ATP11C: variants seen among roughly 807,000 people sequenced by gnomAD.
The protein encoded by ATP11C is ATPase phospholipid transporting 11C (ATP11C blood group).
Under a neutral mutation model 97.4 loss-of-function variants are expected in ATP11C, and 36 were observed. The ratio of observed to expected loss-of-function variants is 0.37; its 90% CI spans 0.28 to 0.49. The LOEUF is 0.49. ATP11C is among the 20% of genes least tolerant of loss of function. ATP11C has a pLI of 0.98. For synonymous variants in ATP11C, 275 were observed against 290.9 expected (o/e 0.95, Z 0.56); for missense variants, 730 against 824.6 (o/e 0.89, Z 1.40).
At chrX:139,817,972 C>T (rs1011763891) in intron 3 of ATP11C, among the ~76,000 whole-genome samples, 19 of 111,300 alleles carry the variant, frequency 1.7e-4, no homozygotes, top group Non-Finnish European at 3.2e-4. Context: ...CTCAACAAGC[C>T]CTGCCTCTGC....
At chrX:139,897,207 G>A (rs1007286875) in intron 1 of ATP11C, among the ~76,000 whole-genome samples, 1 of 110,923 alleles carries the variant, frequency 9.0e-6, no homozygotes, top group African/African-American at 3.3e-5. Context: ...GCCTGAGAGA[G>A]AGTGAGACCC....
intron 20 of ATP11C, among the ~76,000 whole-genome samples, chrX:139,765,615 G>C (rs1004025538): frequency 2.7e-5 from 3 of 112,122 alleles, no homozygotes; most frequent in Non-Finnish European, 5.6e-5. Flanking sequence ...GTATTCCAGA[G>C]AAAGGAACTA....
intron 2 of ATP11C, among the ~76,000 whole-genome samples, chrX:139,823,817 C>T (rs1436513766): frequency 1.8e-5 from 2 of 111,465 alleles, no homozygotes; most frequent in Non-Finnish European, 3.8e-5. Flanking sequence ...AATAAACAAA[C>T]GGGACTTAAA....
intron 23 of ATP11C, among the ~76,000 whole-genome samples, chrX:139,752,108 G>A (rs1286300024): frequency 2.7e-5 from 3 of 111,105 alleles, no homozygotes; most frequent in Admixed American, 9.6e-5. Context: ...TTAAGATGTC[G>A]ACGTTATTCC....
At chrX:139,803,685 CTTTTTTTTTTTTTTTT>C (rs140315105) in intron 6 of ATP11C, among the ~76,000 whole-genome samples, 3 of 38,265 alleles carry the variant, frequency 7.8e-5, no homozygotes, top group African/African-American at 1.0e-4. Context: ...TACACCCTAT[CTTTTTTTTTTTTTTTT>C]TTTTTTTTTT....
intron 2 of ATP11C, among the ~76,000 whole-genome samples, chrX:139,821,788 C>A (rs2147863300): frequency 8.9e-6 from 1 of 112,201 alleles, no homozygotes; most frequent in African/African-American, 3.2e-5. Context: ...GTTTAGCACA[C>A]AGAAGATATA....
intron 12 of ATP11C, among the ~76,000 whole-genome samples, chrX:139,792,960 T>C (rs1263188217): frequency 8.9e-6 from 1 of 111,935 alleles, no homozygotes; most frequent in African/African-American, 3.2e-5. Context: ...AACTTAAAGC[T>C]GGTCGATCAG....
At chrX:139,835,439 T>C (rs1314508867) in intron 1 of ATP11C, among the ~76,000 whole-genome samples, 1 of 110,522 alleles carries the variant, frequency 9.0e-6, no homozygotes, top group African/African-American at 3.3e-5. Flanking sequence ...AGTTTCGCTC[T>C]TGTCACCCAG....
intron 1 of ATP11C, among the ~76,000 whole-genome samples, chrX:139,900,739 A>G (rs903000674): frequency 8.9e-6 from 1 of 112,438 alleles, no homozygotes; most frequent in Non-Finnish European, 1.9e-5. Context: ...GGTAAGAAAC[A>G]ATGCACTTAA....
chrX:139,768,119 AAAAG>A lies in ATP11C; in HGVS notation c.2391+137_2391+140del, dbSNP rs1724217619. 6 of 407,033 alleles carry A rather than the reference AAAAG, an allele frequency of 1.5e-5. No homozygotes were observed. The East Asian group carries it at 2.4e-4, about 16-fold the overall frequency. 33.5% of individuals were successfully genotyped at this position (407,033 alleles called of 1,213,427 possible). On this transcript the variant is annotated intron_variant, in intron 20 of 29. Coordinates refer to ENST00000682941, the MANE Select transcript of ATP11C (RefSeq NM_001353812.2). The stretch of plus-strand genomic sequence containing the variant: ...GGAAAGACTTCTGAGTCTGATTACA[AAAAG>A]AAAGAAGCCTTGGAGGAAGAAATTA...
At chrX:139,771,756 G>A (rs1381149835) in intron 19 of ATP11C, among the ~76,000 whole-genome samples, 2 of 111,386 alleles carry the variant, frequency 1.8e-5, no homozygotes, top group Admixed American at 1.9e-4. Context: ...AGATGATTTA[G>A]GGTATCTGGC....
intron 22 of ATP11C, among the ~76,000 whole-genome samples, chrX:139,759,258 T>C (rs1293042732): frequency 9.0e-6 from 1 of 111,719 alleles, no homozygotes; most frequent in South Asian, 3.8e-4. Context: ...TCTTATTCCA[T>C]GGTGTATCCT....
At chrX:139,788,485 C>A in intron 13 of ATP11C, 142 bp from the exon 14 acceptor site, 1 of 539,832 alleles carries the variant, frequency 1.9e-6, no homozygotes, top group African/African-American at 2.3e-5. Flanking sequence ...AAATTCTTAA[C>A]ACTCAAATCT....
Position 139,846,024 on chromosome X carries a change from C to T in ATP11C, c.28-19201G>A, listed in dbSNP as rs920273702. 2.7e-5 allele frequency among the ~76,000 whole-genome samples: 3 copies of T among 111,939 alleles called. No individual in the cohort carries two copies. In the Admixed American group the frequency reaches 2.9e-4, roughly 11 times the overall value. ...AACTTCATTATGGATCTTCGGGTTT[C>T]ACTATGATCATCCAAAAATAAGTCT... On this transcript the variant is annotated intron_variant, in intron 1 of 29. Coordinates refer to ENST00000682941, the MANE Select transcript of ATP11C (RefSeq NM_001353812.2).
In ATP11C at chrX:139,816,938, T is replaced by C; in HGVS notation, c.243A>G (p.Thr81=). The C allele has an allele frequency of 8.5e-7, 1 of 1,178,340 alleles. No individual in the cohort carries two copies. Among genetic ancestry groups the C allele is most frequent in the Non-Finnish European group, 1.1e-6 (1 of 870,813 alleles). The part of the protein sequence containing the change: ...YFLIIFLVQV[T]VDTPTSPVTS... ...TAACTGGGCTAGTTGGTGTGTCTAC[T>C]GTGACCTAGGTAAATAAAATTAAAT... The change falls in exon 4 of 30, where the codon ACA becomes ACG. Residue 81 remains threonine (T), a synonymous_variant. Transcript: ENST00000682941.
In ATP11C at chrX:139,932,235, C is replaced by T. The variant is rs2085451034; in HGVS notation, c.-193G>A. On this transcript the variant is annotated 5_prime_UTR_variant, in exon 1 of 30. Transcript: ENST00000682941. Reference sequence around the variant, plus strand: ...GCCCCCCAGCCGCCCGCAGCCTAGCCGCCGCCCCGCCTCACTCGCGGCCCG... The same window carrying T: ...GCCCCCCAGCCGCCCGCAGCCTAGCTGCCGCCCCGCCTCACTCGCGGCCCG... The T allele has an allele frequency of 1.3e-5, 2 of 154,832 alleles. No homozygotes were observed. Among genetic ancestry groups the T allele is most frequent in the African/African-American group, 3.2e-5 (1 of 30,898 alleles). 12.8% of individuals were successfully genotyped at this position (154,832 alleles called of 1,213,427 possible).
intron 1 of ATP11C, among the ~76,000 whole-genome samples, chrX:139,842,958 T>C (rs2083857603): frequency 8.9e-6 from 1 of 112,187 alleles, no homozygotes; most frequent in Non-Finnish European, 1.9e-5. Flanking sequence ...TGTCATCAAA[T>C]TCAACTCCCA....
chrX:139,800,641 T>C (rs1045589215), intron 7 of ATP11C, among the ~76,000 whole-genome samples: 3 of 111,455 alleles, frequency 2.7e-5, no homozygotes, highest in East Asian at 5.6e-4. Context: ...CTTTAAACCA[T>C]AGTACTAGTC....
At chrX:139,919,887 C>A (rs1052865068) in intron 1 of ATP11C, among the ~76,000 whole-genome samples, 17 of 111,459 alleles carry the variant, frequency 1.5e-4, no homozygotes, top group Admixed American at 4.7e-4. Context: ...CCACTGCACT[C>A]CAGCCTGGGC....
Sources: gnomAD v4.1 joint callset for allele counts (sites outside exome capture counted in the v4.1 genomes callset) on GRCh38, gnomAD v4.1.1 for gene constraint, MANE v1.5 for transcripts, NCBI Gene and HGNC (gene_info 2026-07-23, HGNC 2026-07-21) for gene names.